Variants in BABAM2 observed in about 807,000 individuals in gnomAD.
The protein encoded by BABAM2 is BRISC and BRCA1-A complex member 2.
In BABAM2, 31 loss-of-function variants were observed where a neutral mutation model predicts 54.7. The observed-to-expected ratio is 0.57, with a 90% CI of 0.43 to 0.77. BABAM2 has a LOEUF of 0.77. Among genes scored for constraint, BABAM2 ranks in the 30% least tolerant of loss-of-function variants. The pLI is 0.00. For synonymous variants in BABAM2, 167 were observed against 162.9 expected (o/e 1.03, Z -0.19); for missense variants, 364 against 455.8 (o/e 0.80, Z 1.83).
intron 10 of BABAM2, among the ~76,000 whole-genome samples, chr2:28,272,956 G>A (rs1391190009): frequency 6.6e-6 from 1 of 152,220 alleles, no homozygotes; most frequent in Non-Finnish European, 1.5e-5. Flanking sequence ...AGGAGGGCAA[G>A]TGCAGGAAGT....
In BABAM2 at chr2:28,184,838, T is replaced by G. The variant is rs529869153; in HGVS notation, c.681-52364T>G. On this transcript the variant is annotated intron_variant, in intron 7 of 11. Coordinates refer to ENST00000379624, the MANE Select transcript of BABAM2 (RefSeq NM_199191.3). ...TTTATAATCCTTTCCCCAGGTAGTTTATGTAGGAACTATTTAATGTTAAAT... is the reference window on the plus strand; with the variant it reads ...TTTATAATCCTTTCCCCAGGTAGTTGATGTAGGAACTATTTAATGTTAAAT... Among the ~76,000 whole-genome samples the G allele has an allele frequency of 2.1e-3, 324 of 152,328 alleles. 2 individuals carry two copies. The highest frequency in any genetic ancestry group is 4.0e-3 in the Non-Finnish European group (271 of 68,022).
At chr2:28,298,273 C>G in intron 10 of BABAM2, 65 bp from the exon 11 acceptor site, 1 of 1,202,092 alleles carries the variant, frequency 8.3e-7, no homozygotes, top group Non-Finnish European at 1.1e-6. Context: ...CGGATTTAGT[C>G]AAAAAAAAAA....
In BABAM2 at chr2:28,310,516, G is replaced by C. The variant is rs115707413; in HGVS notation, c.1088+12025G>C. The C allele has an allele frequency of 4.1e-3, 774 of 190,916 alleles. 8 individuals are homozygous for C. The highest frequency in any genetic ancestry group is 0.017 in the African/African-American group (739 of 43,394). The allele number at this position is 190,916 out of a possible 1,614,324, so 11.8% of individuals were successfully genotyped here. ...GCTTTCTCAGTGGAAAACAGTTAGG[G>C]CTTTTGTTCTGGCCTCAGTCACACA... is the stretch of plus-strand genomic sequence containing the variant. On this transcript the variant is annotated intron_variant, in intron 11 of 11. Transcript: ENST00000379624.
intron 3 of BABAM2, among the ~76,000 whole-genome samples, chr2:27,981,065 T>C (rs1215078662): frequency 6.6e-6 from 1 of 152,144 alleles, no homozygotes; most frequent in Non-Finnish European, 1.5e-5. Context: ...AAGTCTGTCT[T>C]TAACATTATC....
chr2:28,058,931 A>G (rs1297611726), intron 6 of BABAM2, among the ~76,000 whole-genome samples: 1 of 152,054 alleles, frequency 6.6e-6, no homozygotes, highest in African/African-American at 2.4e-5. Context: ...TTCACTGTGG[A>G]TGGTTTGAGA....
chr2:28,187,568 A>G (rs905895265), intron 7 of BABAM2, among the ~76,000 whole-genome samples: 14 of 152,072 alleles, frequency 9.2e-5, no homozygotes. Context: ...ATCTTAAAAA[A>G]CTTGGTAATG....
intron 4 of BABAM2, among the ~76,000 whole-genome samples, chr2:28,011,713 G>A (rs1465591133): frequency 6.6e-6 from 1 of 152,162 alleles, no homozygotes; most frequent in African/African-American, 2.4e-5. Context: ...TAACAAATTG[G>A]TTGAAACTGT....
chr2:28,160,137 A>G (rs1265499927), intron 7 of BABAM2, among the ~76,000 whole-genome samples: 2 of 152,126 alleles, frequency 1.3e-5, no homozygotes, highest in African/African-American at 4.8e-5. Context: ...ATGCACCACC[A>G]TGCCCAGCTA....
At chr2:28,189,140 G>T (rs957758128) in intron 7 of BABAM2, among the ~76,000 whole-genome samples, 1 of 151,690 alleles carries the variant, frequency 6.6e-6, no homozygotes, top group Non-Finnish European at 1.5e-5. Context: ...GTTGGAGGTT[G>T]CAGTGAGTCA....
At chr2:28,311,422 T>C (rs1365392860) in intron 11 of BABAM2, among the ~76,000 whole-genome samples, 1 of 152,136 alleles carries the variant, frequency 6.6e-6, no homozygotes, top group African/African-American at 2.4e-5. Context: ...AGGTGTCCTA[T>C]AGAGTTAGAA....
At chr2:28,283,661 C>G (rs1686567083) in intron 10 of BABAM2, among the ~76,000 whole-genome samples, 2 of 152,166 alleles carry the variant, frequency 1.3e-5, no homozygotes, top group Non-Finnish European at 2.9e-5. Flanking sequence ...AACCTAATAG[C>G]CTGGGCCCAG....
intron 10 of BABAM2, among the ~76,000 whole-genome samples, chr2:28,271,639 G>A (rs995641631): frequency 1.3e-5 from 2 of 152,038 alleles, no homozygotes; most frequent in African/African-American, 2.4e-5. Context: ...AAAGGATTTT[G>A]GATAAATATA....
intron 10 of BABAM2, among the ~76,000 whole-genome samples, chr2:28,250,355 A>G (rs569541496): frequency 6.6e-5 from 9 of 135,342 alleles, no homozygotes; most frequent in Admixed American, 3.9e-4. Flanking sequence ...TCTAATATTG[A>G]ATTACTTTCT....
intron 7 of BABAM2, among the ~76,000 whole-genome samples, chr2:28,198,764 C>G (rs1055244138): frequency 3.9e-5 from 6 of 152,054 alleles, no homozygotes; most frequent in Admixed American, 6.6e-5. Context: ...AAGCAGAGAC[C>G]CACTGTGGTA....
At chr2:28,205,191 C>G (rs1678710872) in intron 7 of BABAM2, among the ~76,000 whole-genome samples, 1 of 151,936 alleles carries the variant, frequency 6.6e-6, no homozygotes, top group Admixed American at 6.6e-5. Context: ...TTTGCCTAAC[C>G]TAGCCTAACT....
At chr2:28,315,510 C>T (rs983712648) in intron 11 of BABAM2, among the ~76,000 whole-genome samples, 1 of 146,472 alleles carries the variant, frequency 6.8e-6, no homozygotes, top group South Asian at 2.1e-4. Context: ...ACTCTGTTGC[C>T]AGGCTGGAGT....
At chr2:28,025,508 TC>T in intron 5 of BABAM2, 88 bp downstream of exon 5, 1 of 1,285,160 alleles carries the variant, frequency 7.8e-7, no homozygotes, top group Non-Finnish European at 1.0e-6. Flanking sequence ...CCTAGTCATT[TC>T]TTTAGATAAA....
At chr2:28,051,046 G>A (rs531584147) in intron 6 of BABAM2, among the ~76,000 whole-genome samples, 9 of 152,256 alleles carry the variant, frequency 5.9e-5, no homozygotes, top group African/African-American at 2.2e-4. Context: ...CTTATAACTG[G>A]GTTATCATGG....
At chr2:28,213,394 A>G (rs1679647475) in intron 7 of BABAM2, among the ~76,000 whole-genome samples, 1 of 152,152 alleles carries the variant, frequency 6.6e-6, no homozygotes, top group Admixed American at 6.5e-5. Flanking sequence ...GCGTTTGCCT[A>G]CCTTTTTGAG....
Sources: gnomAD v4.1 joint callset for allele counts (sites outside exome capture counted in the v4.1 genomes callset) on GRCh38, gnomAD v4.1.1 for gene constraint, MANE v1.5 for transcripts, NCBI Gene and HGNC (gene_info 2026-07-23, HGNC 2026-07-21) for gene names.